The following KRTCAP3 variants were observed in gnomAD, a reference collection of about 807,000 sequenced individuals.
The protein encoded by KRTCAP3 is keratinocyte-associated protein 3.
KRTCAP3 carries 18 observed loss-of-function variants against 20.5 expected under a neutral mutation model. The observed-to-expected ratio is 0.88, with a 90% CI of 0.61 to 1.31. KRTCAP3 has a LOEUF of 1.31. KRTCAP3 is among the 50% of genes most tolerant of loss of function. KRTCAP3 has a pLI of 0.00. For synonymous variants in KRTCAP3, 167 were observed against 133.7 expected, an observed-to-expected ratio of 1.25 and a Z score of -1.72; for missense variants, 347 against 310.4, an observed-to-expected ratio of 1.12 and a Z score of -0.89.
At chr2:27,445,544 C>T, downstream of KRTCAP3, 3 of 1,415,038 alleles carry the variant, frequency 2.1e-6, no homozygotes, top group South Asian at 4.1e-5. The surrounding 1 kb of genome is among the most constrained non-coding windows in gnomAD (Gnocchi z 4.4). Context: ...AAGCCCTCAT[C>T]CTGTATACCA....
rs748029831 is a variant in KRTCAP3, at chr2:27,444,043, GA to G, written c.712del (p.Ser238ValfsTer26). 1.2e-6 allele frequency: 2 copies of G among 1,611,974 alleles called. No homozygotes were observed. The highest frequency in any genetic ancestry group is 4.5e-5 in the East Asian group (2 of 44,860). ...DQNQEIRASQ[R>X]SWV ...AATCAAGAAATCCGGGCATCACAGAGAAGTTGGGTTTAGGACAGGTAATGGG... is the reference window on the plus strand; with the variant it reads ...AATCAAGAAATCCGGGCATCACAGAGAGTTGGGTTTAGGACAGGTAATGGG... On this transcript the variant is annotated frameshift_variant, in exon 6 of 7. Coordinates refer to ENST00000288873, the MANE Select transcript of KRTCAP3 (RefSeq NM_173853.4). LOFTEE classifies it low-confidence loss of function (END_TRUNC).
At chr2:27,445,020 G>A (rs749020649), downstream of KRTCAP3, 3 of 1,613,510 alleles carry the variant, frequency 1.9e-6, no homozygotes, top group Middle Eastern at 3.3e-4. The surrounding 1 kb of genome is among the most constrained non-coding windows in gnomAD (Gnocchi z 4.4). Flanking sequence ...TAACCTTGAT[G>A]GCCATAAGGA....
At chr2:27,444,124 G>T in intron 6 of KRTCAP3, 62 bp from the exon 7 acceptor site, 1 of 978,804 alleles carries the variant, frequency 1.0e-6, no homozygotes, top group South Asian at 1.3e-5. Flanking sequence ...TCTTAGAACT[G>T]GGTCTAGGTC....
At chr2:27,444,795 A>G (rs965724751), downstream of KRTCAP3, among the ~76,000 whole-genome samples, 5 of 152,022 alleles carry the variant, frequency 3.3e-5, no homozygotes, top group African/African-American at 7.2e-5. Context: ...TTACAGGTGC[A>G]CGCCACCAGA....
chr2:27,444,449 T>A, downstream of KRTCAP3: 1 of 1,612,924 alleles, frequency 6.2e-7, no homozygotes, highest in South Asian at 1.1e-5. Flanking sequence ...AAGGAAAAGC[T>A]GGTGCTGGGG....
rs775216589 is a variant in KRTCAP3 at position 27,444,070 on chromosome 2, C to T, written c.*5+9C>T. 6.6e-7 allele frequency: 1 copy of T among 1,516,850 alleles called. No homozygotes were observed. The highest frequency in any genetic ancestry group is 1.1e-5 in the South Asian group (1 of 89,020). The allele number at this position is 1,516,850 out of a possible 1,614,324, so 94.0% of individuals were successfully genotyped here. On this transcript the variant is annotated intron_variant, in intron 6 of 6. Transcript: ENST00000288873. ...AGTTGGGTTTAGGACAGGTAATGGG[C>T]CTTGAAGGTGGTGGCCCGGGTAAGA...
Position 27,443,249 on chromosome 2 carries a change from C to T in KRTCAP3, c.449C>T (p.Thr150Ile), listed in dbSNP as rs746471091. The T allele has an allele frequency of 1.9e-5, 31 of 1,614,084 alleles. No individual in the cohort carries two copies. The South Asian group carries it at 3.0e-4, about 15-fold the overall frequency. The change falls in exon 4 of 7, where the codon ACT becomes ATT. Residue 150 changes from threonine (T) to isoleucine (I), a missense_variant. Coordinates refer to ENST00000288873, the MANE Select transcript of KRTCAP3 (RefSeq NM_173853.4). Reference sequence around the variant, plus strand: ...CCACTGGATGAGGGGCCGGGACATACTGACTGCCCCTTTGACCCCACAAGA... The same window carrying T: ...CCACTGGATGAGGGGCCGGGACATATTGACTGCCCCTTTGACCCCACAAGA... Reference protein sequence around the residue: ...LVPLDEGPGHTDCPFDPTRIY... With the variant: ...LVPLDEGPGHIDCPFDPTRIY...
rs746182963 is a variant in KRTCAP3, at chr2:27,442,383, A to G, written c.-30A>G. 28 of 1,544,678 alleles carry G rather than the reference A, an allele frequency of 1.8e-5. No homozygotes were observed. The highest frequency in any genetic ancestry group is 2.3e-5 in the Non-Finnish European group (26 of 1,145,528). The stretch of plus-strand genomic sequence containing the variant: ...TTGGGGCGGGGCCGGGCCCAGGTAC[A>G]GCGGCCCTGCGGCTGGCGCGGCGGA... On this transcript the variant is annotated 5_prime_UTR_variant, in exon 1 of 7. Coordinates refer to ENST00000288873, the MANE Select transcript of KRTCAP3 (RefSeq NM_173853.4).
At chr2:27,444,886 T>TG, downstream of KRTCAP3, 1 of 962,190 alleles carries the variant, frequency 1.0e-6, no homozygotes, top group Non-Finnish European at 1.5e-6. Flanking sequence ...TGACCTCAGG[T>TG]GATCCGCCCA....
In KRTCAP3 at chr2:27,442,661, C is replaced by T. The variant is rs372394516; in HGVS notation, c.111C>T (p.Ala37=). Residue 37 remains alanine, a synonymous_variant, in exon 2 of 7, where the codon GCC becomes GCT. Transcript: ENST00000288873. Reference sequence around the variant, plus strand: ...GCCACGTGAACCTGCTGCTGGGGGCCGTGCTGCATGGCACCGTCCTGCGGC... The same window carrying T: ...GCCACGTGAACCTGCTGCTGGGGGCTGTGCTGCATGGCACCGTCCTGCGGC... The part of the protein sequence containing the change: ...LVGHVNLLLG[A]VLHGTVLRHV... 6.3e-6 allele frequency: 10 copies of T among 1,583,344 alleles called. No individual in the cohort carries two copies. The African/African-American group carries it at 1.2e-4, about 19-fold the overall frequency.
Position 27,444,022 on chromosome 2 carries a change from A to G in KRTCAP3, c.689A>G (p.Gln230Arg). The stretch of plus-strand genomic sequence containing the variant: ...AATGAGCAGCTACTGGATCAAAATC[A>G]AGAAATCCGGGCATCACAGAGAAGT... ...QENEQLLDQN[Q>R]EIRASQRSWV Residue 230 changes from glutamine to arginine, a missense_variant, in exon 6 of 7, where the codon CAA becomes CGA. Physicochemically the swap from Gln to Arg is conservative, Grantham distance 43 (BLOSUM62 1). Transcript: ENST00000288873. 2 of 1,613,884 alleles carry G rather than the reference A, an allele frequency of 1.2e-6. No homozygotes were observed. Among genetic ancestry groups the G allele is most frequent in the Non-Finnish European group, 1.7e-6 (2 of 1,179,724 alleles).
intron 5 of KRTCAP3, 141 bp from the exon 6 acceptor site, chr2:27,443,808 G>A (rs1374759504): frequency 1.3e-5 from 8 of 638,848 alleles, no homozygotes; most frequent in East Asian, 5.5e-5. Flanking sequence ...CCCGGAAGGC[G>A]GAGGTTGCAG....
At chr2:27,445,167 G>C (rs1458478712), downstream of KRTCAP3, 2 of 1,605,056 alleles carry the variant, frequency 1.2e-6, no homozygotes, top group Non-Finnish European at 1.7e-6. This position sits in a 1 kb window ranked among gnomAD's most constrained non-coding sequence, Gnocchi z 4.4. Flanking sequence ...GAAAAATGAG[G>C]AGCAGCCTGG....
At chr2:27,446,087 G>A (rs1665066623), downstream of KRTCAP3, 1 of 1,477,946 alleles carries the variant, frequency 6.8e-7, no homozygotes, top group South Asian at 1.1e-5. Context: ...AGCTGGGCTT[G>A]AATGCTATTT....
chr2:27,442,608 C>T lies in KRTCAP3; in HGVS notation c.58C>T (p.Arg20Cys), dbSNP rs750082263. The T allele has an allele frequency of 3.2e-6, 5 of 1,556,446 alleles. No homozygotes were observed. The highest frequency in any genetic ancestry group is 2.6e-6 in the Non-Finnish European group (3 of 1,152,622). ...CGCCCGGGGGCCCAGGCGGCTGATG[C>T]GTGTGGGCCTCGCGCTGATCTTGGT... ...DAARGPRRLMRVGLALILVGH... is the reference protein window; with the variant it reads ...DAARGPRRLMCVGLALILVGH... The change falls in exon 2 of 7, where the codon CGT becomes TGT. Residue 20 changes from arginine to cysteine, a missense_variant. Physicochemically the swap from Arg to Cys is radical, Grantham distance 180. Coordinates refer to ENST00000288873, the MANE Select transcript of KRTCAP3 (RefSeq NM_173853.4).
downstream of KRTCAP3, chr2:27,445,864 A>G: frequency 6.2e-7 from 1 of 1,614,166 alleles, no homozygotes; most frequent in Non-Finnish European, 8.5e-7. This position sits in a 1 kb window ranked among gnomAD's most constrained non-coding sequence, Gnocchi z 4.4. Context: ...GTGGGCAACC[A>G]TGAACTAGGC....
chr2:27,442,806 G>C (rs773788844), intron 2 of KRTCAP3, 36 bp from the exon 3 acceptor site: 11 of 1,611,396 alleles, frequency 6.8e-6, no homozygotes, highest in African/African-American at 1.3e-5. Context: ...GGCTCCCGGA[G>C]AGCCCAGCAG....
At position 27,442,390 on chromosome 2, in the gene KRTCAP3, C is replaced by T. The variant is rs1365677967; in HGVS notation, c.-23C>T. 3.9e-6 allele frequency: 6 copies of T among 1,548,354 alleles called. No homozygotes were observed. Among genetic ancestry groups the T allele is most frequent in the African/African-American group, 1.4e-5 (1 of 71,900 alleles). The stretch of plus-strand genomic sequence containing the variant: ...GGGGCCGGGCCCAGGTACAGCGGCC[C>T]TGCGGCTGGCGCGGCGGACGGGATG... On this transcript the variant is annotated 5_prime_UTR_variant, in exon 1 of 7. Transcript: ENST00000288873.
At chr2:27,444,656 T>G (rs1664870300), downstream of KRTCAP3, 1 of 710,518 alleles carries the variant, frequency 1.4e-6, no homozygotes, top group Non-Finnish European at 2.4e-6. Flanking sequence ...GTGGGTTTTT[T>G]GTTTGTTTTG....
Sources: allele counts gnomAD v4.1 joint callset (sites outside exome capture counted in the v4.1 genomes callset), GRCh38; gene constraint gnomAD v4.1.1; non-coding constraint Gnocchi (gnomAD v3.1); transcripts MANE v1.5; gene names NCBI Gene and HGNC (gene_info 2026-07-23, HGNC 2026-07-21).